The following ZPLD1 variants were observed in gnomAD, a reference collection of about 807,000 sequenced individuals.
The protein encoded by ZPLD1 is zona pellucida like domain containing 1, also known as zona pellucida-like domain-containing protein 1.
ZPLD1 carries 34 observed loss-of-function variants against 47.2 expected under a neutral mutation model. The ratio of observed to expected loss-of-function variants is 0.72; its 90% CI spans 0.55 to 0.96. ZPLD1 has a LOEUF of 0.96. Ranked by LOEUF, ZPLD1 falls within the 40% of genes least tolerant of loss-of-function variation. The probability of loss-of-function intolerance (pLI) is 0.00; values close to 1 mark genes in which losing one functional copy is unlikely to be tolerated. For missense variants in ZPLD1, 512 were observed against 505.8 expected, an observed-to-expected ratio of 1.01 and a Z score of -0.12; for synonymous variants, 176 against 186.2, an observed-to-expected ratio of 0.95 and a Z score of 0.45.
chr3:102,470,016 A>C (rs977795955), intron 9 of ZPLD1, among the ~76,000 whole-genome samples: 2 of 152,186 alleles, frequency 1.3e-5, no homozygotes, highest in Non-Finnish European at 2.9e-5. Flanking sequence ...ATAAGCTATG[A>C]CAGATGGGGG....
Position 102,435,020 on chromosome 3 carries a change from G to T in ZPLD1, c.-257G>T. 1 of 1,360,796 alleles carries T rather than the reference G, an allele frequency of 7.3e-7. No individual in the cohort carries two copies. Among genetic ancestry groups the T allele is most frequent in the South Asian group, 1.2e-5 (1 of 84,292 alleles). 84.3% of individuals were successfully genotyped at this position (1,360,796 alleles called of 1,614,324 possible). A position where few individuals can be genotyped will look rare whatever the true frequency, so the allele number is the denominator to read the frequency against. ...TGATATGTTTTTGAGGAATGTAAAG[G>T]GTGTTAACATAATCCCCCAATCCCA... is the stretch of plus-strand genomic sequence containing the variant. On this transcript the variant is annotated 5_prime_UTR_variant, in exon 1 of 12. Transcript: ENST00000466937.
At chr3:102,417,782 T>C (rs1706826614) in intron 7 of ZPLD1, among the ~76,000 whole-genome samples, 1 of 151,918 alleles carries the variant, frequency 6.6e-6, no homozygotes, top group Non-Finnish European at 1.5e-5. Context: ...TTATGATTTT[T>C]TTTCCAGCAG....
At chr3:102,412,909 C>A (rs1706761851) in intron 7 of ZPLD1, among the ~76,000 whole-genome samples, 1 of 151,556 alleles carries the variant, frequency 6.6e-6, no homozygotes, top group South Asian at 2.1e-4. Context: ...AGAAGAGATT[C>A]AAGCATTGAG....
chr3:102,472,293 AG>A (rs1258038344), intron 10 of ZPLD1, among the ~76,000 whole-genome samples: 1 of 152,106 alleles, frequency 6.6e-6, no homozygotes. Context: ...GCACTTTGGG[AG>A]GCTGAGGGGG....
intron 3 of ZPLD1, among the ~76,000 whole-genome samples, chr3:102,443,072 T>G (rs548534814): frequency 6.6e-6 from 1 of 152,276 alleles, no homozygotes; most frequent in East Asian, 1.9e-4. Context: ...GCCCCCTTCT[T>G]TGGAAGTATA....
At chr3:102,412,815 A>G (rs1706760659) in intron 7 of ZPLD1, among the ~76,000 whole-genome samples, 1 of 151,792 alleles carries the variant, frequency 6.6e-6, no homozygotes, top group Middle Eastern at 3.4e-3. Context: ...ATATCCCTAT[A>G]TATACACACA....
At chr3:102,474,429 G>A (rs563603161) in intron 10 of ZPLD1, among the ~76,000 whole-genome samples, 1 of 152,264 alleles carries the variant, frequency 6.6e-6, no homozygotes, top group East Asian at 1.9e-4. Flanking sequence ...CACTCGTCTA[G>A]GAACTGGGAG....
chr3:102,472,362 T>C (rs1181502463), intron 10 of ZPLD1, among the ~76,000 whole-genome samples: 2 of 152,028 alleles, frequency 1.3e-5, no homozygotes, highest in East Asian at 3.9e-4. Flanking sequence ...TGAAAACCCG[T>C]CTCTACTAAA....
chr3:102,414,310 T>C (rs924912829), intron 7 of ZPLD1, among the ~76,000 whole-genome samples: 1 of 151,872 alleles, frequency 6.6e-6, no homozygotes. Flanking sequence ...TCTATGACAA[T>C]AGAAATATGA....
At position 102,479,698 on chromosome 3, in the gene ZPLD1, A is replaced by T. The variant is rs970958950; in HGVS notation, c.*2080A>T. The T allele has an allele frequency of 2.0e-5, 3 of 152,126 alleles. No individual in the cohort carries two copies. Among genetic ancestry groups the T allele is most frequent in the African/African-American group, 7.2e-5 (3 of 41,432 alleles). The allele number at this position is 152,126 out of a possible 1,614,324, so 9.4% of individuals were successfully genotyped here. A position where few individuals can be genotyped will look rare whatever the true frequency, so the allele number is the denominator to read the frequency against. On this transcript the variant is annotated 3_prime_UTR_variant, in exon 12 of 12. Transcript: ENST00000466937. ...AGTATTTAGTTATACTGAATTTTACAGTTATTATAGTGTGAAAAACCTTAC... is the reference window on the plus strand; with the variant it reads ...AGTATTTAGTTATACTGAATTTTACTGTTATTATAGTGTGAAAAACCTTAC...
At chr3:102,395,935 G>A (rs1250457258) in intron 7 of ZPLD1, among the ~76,000 whole-genome samples, 2 of 152,140 alleles carry the variant, frequency 1.3e-5, no homozygotes, top group African/African-American at 4.8e-5. Context: ...CAGGCTATTA[G>A]AAATTATGTA....
At chr3:102,464,035 A>T (rs1223545910) in intron 7 of ZPLD1, 136 bp from the exon 8 acceptor site, 1 of 654,886 alleles carries the variant, frequency 1.5e-6, no homozygotes, top group Non-Finnish European at 2.6e-6. Flanking sequence ...GGGCAACGGA[A>T]CAAGACTCCG....
chr3:102,385,979 G>GACT (rs1706420203), intron 6 of ZPLD1, among the ~76,000 whole-genome samples: 1 of 152,068 alleles, frequency 6.6e-6, no homozygotes, highest in Non-Finnish European at 1.5e-5. Context: ...CTCTCCACTG[G>GACT]ACTAGTAAAC....
At chr3:102,440,924 G>A (rs183231326) in intron 3 of ZPLD1, among the ~76,000 whole-genome samples, 345 of 152,162 alleles carry the variant, frequency 2.3e-3, no homozygotes, top group Non-Finnish European at 3.8e-3. Flanking sequence ...AGAAAATACC[G>A]AAGCAATCAA....
chr3:102,476,920 A>G, intron 10 of ZPLD1, 92 bp from the exon 11 acceptor site: 1 of 1,443,232 alleles, frequency 6.9e-7, no homozygotes, highest in Non-Finnish European at 9.7e-7. Flanking sequence ...ACAGGTAAAA[A>G]TGTAGGTACA....
At chr3:102,390,204 C>T (rs1416495313) in intron 6 of ZPLD1, among the ~76,000 whole-genome samples, 1 of 152,100 alleles carries the variant, frequency 6.6e-6, no homozygotes, top group African/African-American at 2.4e-5. Flanking sequence ...GTGCTTTACT[C>T]AAAAAGATAA....
intron 6 of ZPLD1, among the ~76,000 whole-genome samples, chr3:102,388,919 T>G (rs768838886): frequency 1.3e-5 from 2 of 152,218 alleles, no homozygotes; most frequent in Non-Finnish European, 2.9e-5. Flanking sequence ...GTTTGACTTT[T>G]AATCAATATT....
At chr3:102,391,581 C>T (rs560147927) in intron 6 of ZPLD1, among the ~76,000 whole-genome samples, 1 of 152,098 alleles carries the variant, frequency 6.6e-6, no homozygotes, top group African/African-American at 2.4e-5. Context: ...AAAGCAACCC[C>T]GTGGAGGAGC....
chr3:102,408,814 C>T (rs1320706141), intron 7 of ZPLD1, among the ~76,000 whole-genome samples: 1 of 151,750 alleles, frequency 6.6e-6, no homozygotes, highest in Non-Finnish European at 1.5e-5. Flanking sequence ...TGTCACAAAA[C>T]CTTTATTATA....
Sources: gnomAD v4.1 joint callset for allele counts (sites outside exome capture counted in the v4.1 genomes callset) on GRCh38, gnomAD v4.1.1 for gene constraint, MANE v1.5 for transcripts, NCBI Gene and HGNC (gene_info 2026-07-23, HGNC 2026-07-21) for gene names.